TRAPPC9: variants seen among roughly 807,000 people sequenced by gnomAD.
TRAPPC9 encodes IKK2 binding protein.
In TRAPPC9, 83 loss-of-function variants were observed where a neutral mutation model predicts 124.0. The ratio of observed to expected loss-of-function variants is 0.67; its 90% CI spans 0.56 to 0.80. The LOEUF is 0.80. Among genes scored for constraint, TRAPPC9 ranks in the 30% least tolerant of loss-of-function variants. The pLI, the probability that TRAPPC9 is intolerant of heterozygous loss-of-function variation, is 0.00. For missense variants in TRAPPC9, 1,302 were observed against 1,508.3 expected (o/e 0.86, Z 2.27); for synonymous variants, 638 against 617.5 (o/e 1.03, Z -0.49).
intron 15 of TRAPPC9, among the ~76,000 whole-genome samples, chr8:140,271,251 T>C (rs754717401): frequency 3.9e-5 from 6 of 151,956 alleles, no homozygotes; most frequent in South Asian, 2.1e-4. Flanking sequence ...AAAAGGAGGG[T>C]GGGTAGGAAA....
chr8:139,938,195 C>A (rs550288633), intron 19 of TRAPPC9, among the ~76,000 whole-genome samples: 156 of 152,326 alleles, frequency 1.0e-3, no homozygotes, highest in African/African-American at 3.7e-3. Context: ...GGGAACCTGA[C>A]AAAGCTGCCC....
intron 21 of TRAPPC9, among the ~76,000 whole-genome samples, chr8:139,756,616 GA>G (rs1819817591): frequency 2.1e-5 from 3 of 144,474 alleles, no homozygotes; most frequent in African/African-American, 5.3e-5. Flanking sequence ...TGTCGCAGGA[GA>G]AGCCAGGGTT....
At chr8:139,808,167 A>C (rs964584059) in intron 21 of TRAPPC9, among the ~76,000 whole-genome samples, 1 of 152,250 alleles carries the variant, frequency 6.6e-6, no homozygotes, top group African/African-American at 2.4e-5. Context: ...CATTTGAAGT[A>C]TACAATTCAG....
chr8:140,229,312 G>A (rs969792944), intron 16 of TRAPPC9, among the ~76,000 whole-genome samples: 1 of 136,684 alleles, frequency 7.3e-6, no homozygotes, highest in African/African-American at 2.9e-5. Flanking sequence ...GCCCAGGCTG[G>A]AGTGCAGTGG....
chr8:139,752,898 C>T (rs1422686992), intron 21 of TRAPPC9, among the ~76,000 whole-genome samples: 6 of 150,016 alleles, frequency 4.0e-5, no homozygotes, highest in Non-Finnish European at 5.9e-5. Flanking sequence ...CATCCATCCA[C>T]CCATCTAGCA....
At chr8:139,935,480 C>T (rs1313281117) in intron 19 of TRAPPC9, among the ~76,000 whole-genome samples, 1 of 152,034 alleles carries the variant, frequency 6.6e-6, no homozygotes, top group African/African-American at 2.4e-5. Context: ...GCAGACAGTC[C>T]CAGGCAAGTC....
intron 20 of TRAPPC9, among the ~76,000 whole-genome samples, chr8:139,896,574 G>A (rs1830683355): frequency 6.6e-6 from 1 of 152,200 alleles, no homozygotes; most frequent in Non-Finnish European, 1.5e-5. Context: ...GCAAGTGGCA[G>A]GGGCCAGGCT....
chr8:140,350,280 C>T (rs910250556), intron 9 of TRAPPC9, among the ~76,000 whole-genome samples: 2 of 152,218 alleles, frequency 1.3e-5, no homozygotes, highest in Non-Finnish European at 1.5e-5. Context: ...CTGCCACTTC[C>T]ACCCTCCATC....
intron 17 of TRAPPC9, among the ~76,000 whole-genome samples, chr8:140,049,704 C>T (rs905066380): frequency 2.0e-5 from 3 of 152,176 alleles, no homozygotes; most frequent in African/African-American, 7.2e-5. Flanking sequence ...CCTGGGATTT[C>T]CTTGAGGCTG....
intron 17 of TRAPPC9, among the ~76,000 whole-genome samples, chr8:140,178,350 C>T (rs1239569073): frequency 1.3e-5 from 2 of 152,050 alleles, no homozygotes; most frequent in Non-Finnish European, 2.9e-5. Context: ...ACATCTATTG[C>T]TATGATCATG....
chr8:139,900,009 T>C (rs1361828808), intron 20 of TRAPPC9, among the ~76,000 whole-genome samples: 15 of 152,166 alleles, frequency 9.9e-5, no homozygotes, highest in Non-Finnish European at 2.9e-5. Context: ...AAAGGAAGAC[T>C]TCATTCCACC....
chr8:140,092,202 C>CT (rs59459486), intron 17 of TRAPPC9, among the ~76,000 whole-genome samples: 14,917 of 133,952 alleles, frequency 0.11, 981 homozygotes, highest in African/African-American at 0.15. Flanking sequence ...TTTAATTTTT[C>CT]TTTTTTTTTT....
intron 21 of TRAPPC9, among the ~76,000 whole-genome samples, chr8:139,756,523 C>T (rs1819803502): frequency 1.4e-5 from 2 of 143,340 alleles, no homozygotes; most frequent in African/African-American, 2.7e-5. Flanking sequence ...GGGATGAGGA[C>T]AGCAGGTCGC....
chr8:140,102,094 A>G (rs1320290130), intron 17 of TRAPPC9, among the ~76,000 whole-genome samples: 1 of 152,138 alleles, frequency 6.6e-6, no homozygotes, highest in Non-Finnish European at 1.5e-5. Context: ...GTATTTGCCT[A>G]GTTACTAGAG....
At chr8:140,272,422 G>GGCA (rs2064975089) in intron 15 of TRAPPC9, among the ~76,000 whole-genome samples, 1 of 148,458 alleles carries the variant, frequency 6.7e-6, no homozygotes, top group Non-Finnish European at 1.5e-5. Context: ...TGATGGTGAT[G>GGCA]GTGGTGATGG....
At chr8:140,283,241 A>AAATT (rs1259501003) in intron 14 of TRAPPC9, among the ~76,000 whole-genome samples, 2 of 151,056 alleles carry the variant, frequency 1.3e-5, no homozygotes, top group Admixed American at 1.3e-4. Flanking sequence ...TTGTCTCAAA[A>AAATT]AATTAATTAA....
In TRAPPC9 at chr8:139,984,984, C is replaced by G. The variant is rs572127699; in HGVS notation, c.2810+3742G>C. Among the ~76,000 whole-genome samples the G allele has an allele frequency of 2.0e-5, 3 of 152,150 alleles. No homozygotes were observed. Among genetic ancestry groups the G allele is most frequent in the Non-Finnish European group, 4.4e-5 (3 of 68,036 alleles). On this transcript the variant is annotated intron_variant, in intron 19 of 22. Transcript: ENST00000438773. The surrounding 1 kb of genome is among the most constrained non-coding windows in gnomAD (Gnocchi z 4.3). ...GTCCCAATGTGTTGCCAATCCCCAG[C>G]GAGGAGGGGCCCTTATTTATTCTTC...
At chr8:139,829,711 C>A (rs943814708) in intron 21 of TRAPPC9, among the ~76,000 whole-genome samples, 1 of 152,122 alleles carries the variant, frequency 6.6e-6, no homozygotes, top group Non-Finnish European at 1.5e-5. Flanking sequence ...AACACAAGAG[C>A]GAAAAGAATG....
Position 140,355,514 on chromosome 8 carries a change from T to C in TRAPPC9, c.1495+4536A>G, listed in dbSNP as rs142745915. Among the ~76,000 whole-genome samples the C allele has an allele frequency of 5.5e-4, 84 of 152,068 alleles. No homozygotes were observed. In the East Asian group the frequency reaches 0.015, roughly 27 times the overall value. ...ACTTCCTACCATGACTAATTCAAAC[T>C]CAGATTTTAAACATATATTCTCCTC... is the stretch of plus-strand genomic sequence containing the variant. On this transcript the variant is annotated intron_variant, in intron 9 of 22. Transcript: ENST00000438773.
Sources: allele counts gnomAD v4.1 joint callset (sites outside exome capture counted in the v4.1 genomes callset), GRCh38; gene constraint gnomAD v4.1.1; non-coding constraint Gnocchi (gnomAD v3.1); transcripts MANE v1.5; gene names NCBI Gene and HGNC (gene_info 2026-07-23, HGNC 2026-07-21).